Variants in ACSM6 observed in about 807,000 individuals in gnomAD.
ACSM6 encodes the protein acyl-CoA synthetase medium chain family member 6.
ACSM6 carries 35 observed loss-of-function variants against 51.1 expected under a neutral mutation model. The observed-to-expected ratio is 0.69, with a 90% confidence interval of 0.52 to 0.91. The LOEUF is 0.91. Ranked by LOEUF, ACSM6 falls within the 40% of genes least tolerant of loss-of-function variation. The pLI, the probability that ACSM6 is intolerant of heterozygous loss-of-function variation, is 0.00. For synonymous variants in ACSM6, 172 were observed against 207.3 expected (o/e 0.83, Z 1.46); for missense variants, 509 against 584.1 (o/e 0.87, Z 1.32).
At chr10:95,202,639 G>C (rs1299074367) in intron 3 of ACSM6, among the ~76,000 whole-genome samples, 1 of 151,992 alleles carries the variant, frequency 6.6e-6, no homozygotes, top group Non-Finnish European at 1.5e-5. Flanking sequence ...GAGAATGTAG[G>C]GGTACTGGGT....
At chr10:95,194,734 T>C in intron 2 of ACSM6, 57 bp downstream of exon 2, 1 of 1,444,286 alleles carries the variant, frequency 6.9e-7, no homozygotes. Context: ...TGGTAAAGCG[T>C]CCAAAGATCA....
chr10:95,210,006 C>T (rs1331348448), intron 4 of ACSM6, among the ~76,000 whole-genome samples: 1 of 152,130 alleles, frequency 6.6e-6, no homozygotes, highest in African/African-American at 2.4e-5. Context: ...AATCCCATTC[C>T]TAAATCATAC....
chr10:95,220,046 A>G, intron 9 of ACSM6, 75 bp downstream of exon 9: 1 of 1,240,560 alleles, frequency 8.1e-7, no homozygotes, highest in South Asian at 1.3e-5. Flanking sequence ...AATTTCTGAC[A>G]TAAAGGTAGG....
intron 9 of ACSM6, among the ~76,000 whole-genome samples, chr10:95,220,349 TC>T (rs1397851644): frequency 6.6e-6 from 1 of 152,186 alleles, no homozygotes; most frequent in African/African-American, 2.4e-5. Context: ...AAGTGGGAAG[TC>T]TAAGCCACTA....
chr10:95,222,268 CA>C (rs1404219495), intron 9 of ACSM6, among the ~76,000 whole-genome samples: 1 of 151,914 alleles, frequency 6.6e-6, no homozygotes, highest in Non-Finnish European at 1.5e-5. Context: ...GATACAAGAT[CA>C]ATACACAAAA....
chr10:95,196,903 C>T (rs907071354), intron 2 of ACSM6, among the ~76,000 whole-genome samples: 6 of 152,084 alleles, frequency 3.9e-5, no homozygotes, highest in Admixed American at 6.5e-5. Flanking sequence ...ATTGTTACCC[C>T]TCTAAGTAGT....
At chr10:95,220,700 C>T (rs1042756578) in intron 9 of ACSM6, among the ~76,000 whole-genome samples, 3 of 152,046 alleles carry the variant, frequency 2.0e-5, no homozygotes, top group African/African-American at 7.2e-5. Flanking sequence ...ATAATGTTTA[C>T]TGTAGAGTTC....
At chr10:95,199,080 A>G (rs2034764888) in intron 2 of ACSM6, among the ~76,000 whole-genome samples, 2 of 152,226 alleles carry the variant, frequency 1.3e-5, no homozygotes, top group South Asian at 4.1e-4. Flanking sequence ...TGGAGGCATC[A>G]TGCTACCTGA....
At chr10:95,222,854 A>ACT (rs200060649) in intron 9 of ACSM6, among the ~76,000 whole-genome samples, 2 of 151,844 alleles carry the variant, frequency 1.3e-5, no homozygotes, top group African/African-American at 4.8e-5. Flanking sequence ...TATTACCAAA[A>ACT]TAATAATAAT....
intron 2 of ACSM6, 41 bp from the exon 3 acceptor site, chr10:95,201,944 A>G (rs991229115): frequency 6.5e-7 from 1 of 1,526,800 alleles, no homozygotes. Flanking sequence ...GCCAATGTCC[A>G]TGCTGACTAA....
At chr10:95,214,911 T>C in exon 8 of ACSM6, 1 of 1,551,478 alleles carries the variant, frequency 6.4e-7, no homozygotes, top group Non-Finnish European at 8.7e-7. Context: ...AGCCCTGGGG[T>C]GATTGAGGAC....
At chr10:95,202,683 G>A (rs2034806573) in intron 3 of ACSM6, among the ~76,000 whole-genome samples, 1 of 151,962 alleles carries the variant, frequency 6.6e-6, no homozygotes, top group Non-Finnish European at 1.5e-5. Context: ...CAACACTTCG[G>A]GAGGCCAAGG....
rs1412991680 is a variant in ACSM6 at position 95,220,023 on chromosome 10, A to C, written c.1200+52A>C. 7.0e-5 allele frequency: 98 copies of C among 1,409,430 alleles called. 1 individual carries two copies. The highest frequency in any genetic ancestry group is 9.1e-5 in the Non-Finnish European group (91 of 1,004,740). 87.3% of individuals were successfully genotyped at this position (1,409,430 alleles called of 1,614,324 possible). On this transcript the variant is annotated intron_variant, in intron 9 of 10. Coordinates refer to ENST00000341686, the Ensembl canonical transcript of ACSM6. ...CAGATATTATTAAGTGAGCTCTTACAGTTGTTTATCTAAATTTCTGACATA... is the reference window on the plus strand; with the variant it reads ...CAGATATTATTAAGTGAGCTCTTACCGTTGTTTATCTAAATTTCTGACATA...
At chr10:95,223,953 A>G (rs1267515693) in intron 9 of ACSM6, among the ~76,000 whole-genome samples, 2 of 152,244 alleles carry the variant, frequency 1.3e-5, no homozygotes, top group African/African-American at 4.8e-5. Flanking sequence ...TCAAAGTTGC[A>G]GGAAATAAGA....
chr10:95,222,778 T>C (rs2035005570), intron 9 of ACSM6, among the ~76,000 whole-genome samples: 1 of 146,582 alleles, frequency 6.8e-6, no homozygotes, highest in South Asian at 2.1e-4. Flanking sequence ...TACAGCATAA[T>C]GCCAACAGTT....
intron 2 of ACSM6, among the ~76,000 whole-genome samples, chr10:95,196,248 G>A (rs1379226289): frequency 6.6e-6 from 1 of 152,174 alleles, no homozygotes; most frequent in Non-Finnish European, 1.5e-5. Flanking sequence ...GCCCTACCCA[G>A]CAGAAGCTTC....
At chr10:95,227,066 A>G (rs189329914) in intron 10 of ACSM6, among the ~76,000 whole-genome samples, 1 of 151,616 alleles carries the variant, frequency 6.6e-6, no homozygotes, top group East Asian at 1.9e-4. Flanking sequence ...GGCTCACTGC[A>G]ACCTCCACCT....
At chr10:95,216,330 C>A (rs2133386987) in intron 8 of ACSM6, among the ~76,000 whole-genome samples, 1 of 152,188 alleles carries the variant, frequency 6.6e-6, no homozygotes, top group East Asian at 1.9e-4. Context: ...CTCCAAATAC[C>A]ATCACAGTGA....
At chr10:95,194,649 T>C in exon 2 of ACSM6, 1 of 1,552,194 alleles carries the variant, frequency 6.4e-7, no homozygotes, top group Non-Finnish European at 8.7e-7. Flanking sequence ...GCAAAGGATG[T>C]GTTGGATCAG....
Sources: allele counts gnomAD v4.1 joint callset (sites outside exome capture counted in the v4.1 genomes callset), GRCh38; gene constraint gnomAD v4.1.1; transcripts MANE v1.5; gene names NCBI Gene and HGNC (gene_info 2026-07-23, HGNC 2026-07-21).